DTHD1: variants seen among roughly 807,000 people sequenced by gnomAD.
DTHD1 encodes the protein death domain-containing protein 1.
Under a neutral mutation model 74.8 loss-of-function variants are expected in DTHD1, and 59 were observed. That is an observed-to-expected ratio of 0.79 (90% confidence interval 0.64 to 0.98). DTHD1 has a LOEUF of 0.98. Ranked by LOEUF, DTHD1 falls within the 50% of genes least tolerant of loss-of-function variation. The pLI is 0.00. For missense variants in DTHD1, 1,051 were observed against 1,065.4 expected (o/e 0.99, Z 0.19); for synonymous variants, 365 against 371.1 (o/e 0.98, Z 0.19).
chr4:36,289,714 T>C (rs569921902), intron 2 of DTHD1, among the ~76,000 whole-genome samples: 27 of 152,272 alleles, frequency 1.8e-4, no homozygotes, highest in Non-Finnish European at 3.5e-4. Flanking sequence ...AATTCAAATC[T>C]ATAACTCTAT....
chr4:36,311,299 T>C (rs1404869162), intron 7 of DTHD1: 1 of 152,168 alleles, frequency 6.6e-6, no homozygotes. Flanking sequence ...GGAGCCTCAC[T>C]GGGTTTTTCT....
chr4:36,335,389 AT>A (rs1310551934), intron 8 of DTHD1, among the ~76,000 whole-genome samples: 2 of 151,822 alleles, frequency 1.3e-5, no homozygotes, highest in East Asian at 1.9e-4. Context: ...ACACCTGGCT[AT>A]TTTTTTGTAT....
At chr4:36,308,105 G>A (rs772415098) in intron 6 of DTHD1, 99 bp from the exon 7 acceptor site, 29 of 1,131,760 alleles carry the variant, frequency 2.6e-5, no homozygotes, top group East Asian at 1.6e-4. Context: ...TTTAAAAGAC[G>A]TCTGTTTGAT....
At chr4:36,310,687 C>G (rs1241883628) in intron 7 of DTHD1, among the ~76,000 whole-genome samples, 1 of 152,118 alleles carries the variant, frequency 6.6e-6, no homozygotes, top group Non-Finnish European at 1.5e-5. Context: ...AAAAAAGGGA[C>G]AAGGCTTGAA....
intron 5 of DTHD1, among the ~76,000 whole-genome samples, chr4:36,297,040 T>A (rs1169484883): frequency 6.6e-6 from 1 of 152,202 alleles, no homozygotes; most frequent in Non-Finnish European, 1.5e-5. Flanking sequence ...GAAAACGTTA[T>A]TAAGAAAATC....
chr4:36,311,498 G>A (rs928645207), intron 7 of DTHD1, among the ~76,000 whole-genome samples: 4 of 139,046 alleles, frequency 2.9e-5, no homozygotes, highest in Non-Finnish European at 4.5e-5. Flanking sequence ...CTCTCCTGCT[G>A]TATCTTCAGA....
At chr4:36,293,130 T>G (rs1001290116) in intron 3 of DTHD1, among the ~76,000 whole-genome samples, 1 of 152,200 alleles carries the variant, frequency 6.6e-6, no homozygotes, top group Non-Finnish European at 1.5e-5. Flanking sequence ...TTCCAGTCCT[T>G]AGGATTCCCT....
At chr4:36,306,430 T>A (rs977192730) in intron 6 of DTHD1, 78 bp downstream of exon 6, 5 of 1,349,216 alleles carry the variant, frequency 3.7e-6, no homozygotes, top group Non-Finnish European at 4.9e-6. Context: ...AATGGAATAG[T>A]AAGATTAAAT....
Position 36,290,373 on chromosome 4 carries a change from G to A in DTHD1, c.888G>A (p.Glu296=). The change falls in exon 3 of 10, where the codon GAG becomes GAA. Residue 296 remains glutamate (E), a splice_region_variant and synonymous_variant. Transcript: ENST00000639862. ...IKHKNNIMEK[E]YLDVLSDVTG... ...AATGACATTCTTTTTCCCCCTCCAG[G>A]TATCTTGATGTGCTGAGTGATGTTA... 6.5e-7 allele frequency: 1 copy of A among 1,540,216 alleles called. No homozygotes were observed. Among genetic ancestry groups the A allele is most frequent in the East Asian group, 2.5e-5 (1 of 40,696 alleles).
At chr4:36,338,097 C>T (rs548485424) in intron 8 of DTHD1, among the ~76,000 whole-genome samples, 1 of 152,230 alleles carries the variant, frequency 6.6e-6, no homozygotes, top group East Asian at 1.9e-4. Flanking sequence ...ATTCTATTAC[C>T]ACAAAGATCC....
At chr4:36,298,755 T>C (rs550182388) in intron 5 of DTHD1, among the ~76,000 whole-genome samples, 3 of 152,336 alleles carry the variant, frequency 2.0e-5, no homozygotes, top group Admixed American at 2.0e-4. Flanking sequence ...AGATTTCTCA[T>C]AGCAGTAAAG....
chr4:36,317,258 T>C (rs893507896), intron 8 of DTHD1, among the ~76,000 whole-genome samples: 2 of 152,228 alleles, frequency 1.3e-5, no homozygotes, highest in African/African-American at 2.4e-5. Flanking sequence ...ATATTAATAT[T>C]GAACTTCTGA....
At chr4:36,326,262 T>C (rs1758336871) in intron 8 of DTHD1, among the ~76,000 whole-genome samples, 1 of 149,992 alleles carries the variant, frequency 6.7e-6, no homozygotes, top group Non-Finnish European at 1.5e-5. Context: ...ACTTTGAATA[T>C]ATATATAACA....
rs781680006 is a variant in DTHD1 at position 36,290,410 on chromosome 4, G to A, written c.925G>A (p.Val309Met). The A allele has an allele frequency of 1.9e-6, 3 of 1,551,712 alleles. No homozygotes were observed. The South Asian group carries it at 3.6e-5, about 18-fold the overall frequency. ...DVLSDVTGPQ[V>M]SCYITAPSYV... ...GCTGAGTGATGTTACTGGCCCCCAA[G>A]TGTCTTGTTATATTACAGCACCATC... Residue 309 changes from valine to methionine, a missense_variant, in exon 3 of 10, where the codon GTG (valine) becomes ATG (methionine). Transcript: ENST00000639862.
intron 8 of DTHD1, among the ~76,000 whole-genome samples, chr4:36,336,838 G>A (rs775339283): frequency 2.6e-5 from 4 of 152,216 alleles, no homozygotes; most frequent in Non-Finnish European, 5.9e-5. Context: ...TGCATTTTGA[G>A]GTTGGGATAC....
In DTHD1 at chr4:36,339,166, G is replaced by A. The variant is rs1578498654; in HGVS notation, c.2395G>A (p.Val799Ile). 6.5e-7 allele frequency: 1 copy of A among 1,545,240 alleles called. No homozygotes were observed. Among genetic ancestry groups the A allele is most frequent in the Non-Finnish European group, 8.8e-7 (1 of 1,141,966 alleles). The change falls in exon 9 of 10, where the codon GTA becomes ATA. Residue 799 changes from valine (V) to isoleucine (I), a missense_variant. By Grantham distance (29) the Val-to-Ile change is conservative. Coordinates refer to ENST00000639862, the MANE Select transcript of DTHD1 (RefSeq NM_001170700.3). The stretch of plus-strand genomic sequence containing the variant: ...TACCAAAAGAGTTTCTAAGGATCCT[G>A]TAGGTGAGGAATATTTGCTTTGTCA... Reference protein sequence around the residue: ...QSTKRVSKDPVEALWDNLLHW... With the variant: ...QSTKRVSKDPIEALWDNLLHW...
chr4:36,340,011 T>G (rs1321439232), intron 9 of DTHD1, among the ~76,000 whole-genome samples: 1 of 152,206 alleles, frequency 6.6e-6, no homozygotes, highest in African/African-American at 2.4e-5. Context: ...GATGTCCAGA[T>G]AAAAGCATAA....
chr4:36,291,367 G>T (rs1756066384), intron 3 of DTHD1, among the ~76,000 whole-genome samples: 1 of 152,320 alleles, frequency 6.6e-6, no homozygotes, highest in South Asian at 2.1e-4. Flanking sequence ...TGGTATGGTT[G>T]TAAGAATTAA....
intron 8 of DTHD1, among the ~76,000 whole-genome samples, chr4:36,331,909 G>A (rs1053454680): frequency 1.3e-5 from 2 of 152,156 alleles, no homozygotes; most frequent in South Asian, 2.1e-4. Flanking sequence ...GGACAAACTC[G>A]ACAACTTCTT....
Sources: allele counts gnomAD v4.1 joint callset (sites outside exome capture counted in the v4.1 genomes callset), GRCh38; gene constraint gnomAD v4.1.1; transcripts MANE v1.5; gene names NCBI Gene and HGNC (gene_info 2026-07-23, HGNC 2026-07-21).